RFX4: variants seen among roughly 807,000 people sequenced by gnomAD.
RFX4 encodes transcription factor RFX4.
RFX4 carries 10 observed loss-of-function variants against 95.0 expected under a neutral mutation model. The observed-to-expected ratio is 0.11, with a 90% CI of 0.06 to 0.18. The LOEUF is 0.18. Ranked by LOEUF, RFX4 falls within the 10% of genes least tolerant of loss-of-function variation. The pLI is 1.00. For synonymous variants in RFX4, 321 were observed against 340.7 expected (o/e 0.94, Z 0.64); for missense variants, 640 against 922.0 (o/e 0.69, Z 3.96).
chr12:106,732,979 A>G lies in RFX4; in HGVS notation c.1527A>G (p.Pro509=). 6.2e-7 allele frequency: 1 copy of G among 1,614,152 alleles called. No homozygotes were observed. Among genetic ancestry groups the G allele is most frequent in the Non-Finnish European group, 8.5e-7 (1 of 1,180,022 alleles). ...LTEAAAPTPS[P]VPSFSPAKSA... The stretch of plus-strand genomic sequence containing the variant: ...AGGCTGCCGCACCAACCCCTTCACC[A>G]GTGCCATCGTTTTCTCCAGCAAAAT... Residue 509 remains proline (P), a synonymous_variant, in exon 15 of 18, where the codon CCA becomes CCG. Coordinates refer to ENST00000392842, the MANE Select transcript of RFX4 (RefSeq NM_213594.3).
Position 106,761,585 on chromosome 12 carries a change from C to A in RFX4, c.*116C>A. ...TATACATTGTAACTCATGGGCTATT[C>A]CTAAGTGCCCATTTTCCTAATGAAC... On this transcript the variant is annotated 3_prime_UTR_variant, in exon 18 of 18. Coordinates refer to ENST00000392842, the MANE Select transcript of RFX4 (RefSeq NM_213594.3). 1.4e-6 allele frequency: 1 copy of A among 699,230 alleles called. No homozygotes were observed. Among genetic ancestry groups the A allele is most frequent in the Non-Finnish European group, 1.9e-6 (1 of 521,830 alleles). The allele number at this position is 699,230 out of a possible 1,614,324, so 43.3% of individuals were successfully genotyped here.
intron 11 of RFX4, among the ~76,000 whole-genome samples, chr12:106,717,000 CAAAAA>C (rs71311249): frequency 1.7e-4 from 10 of 60,508 alleles, no homozygotes; most frequent in African/African-American, 4.1e-4. Flanking sequence ...GCACAGGAGA[CAAAAA>C]AAAAAAAAAA....
intron 7 of RFX4, among the ~76,000 whole-genome samples, chr12:106,692,841 G>A (rs1490832617): frequency 6.6e-6 from 1 of 152,134 alleles, no homozygotes; most frequent in Non-Finnish European, 1.5e-5. Flanking sequence ...CTAATAGTAG[G>A]AAGACATCAT....
chr12:106,646,973 TG>T (rs909260219), intron 3 of RFX4, among the ~76,000 whole-genome samples: 12 of 152,280 alleles, frequency 7.9e-5, no homozygotes, highest in African/African-American at 2.9e-4. Context: ...TGAAATAGAT[TG>T]TTTTTTTGTT....
Position 106,711,521 on chromosome 12 carries a change from C to T in RFX4, c.993+10C>T, listed in dbSNP as rs371955084. ...AAATCATCTCTGCCAGGTAGCTGTC[C>T]TCCATTATGTGTTTTAATCACTGCT... On this transcript the variant is annotated intron_variant, in intron 10 of 17. Transcript: ENST00000392842. The T allele has an allele frequency of 5.0e-6, 8 of 1,613,420 alleles. No individual in the cohort carries two copies. In the African/African-American group the frequency reaches 1.1e-4, roughly 22 times the overall value.
intron 8 of RFX4, among the ~76,000 whole-genome samples, chr12:106,697,653 C>G (rs746161862): frequency 6.6e-6 from 1 of 152,070 alleles, no homozygotes; most frequent in Non-Finnish European, 1.5e-5. Flanking sequence ...TTCTGGCTCC[C>G]GGTGTTGCCA....
At chr12:106,617,357 A>G (rs2040093780) in intron 2 of RFX4, among the ~76,000 whole-genome samples, 1 of 152,154 alleles carries the variant, frequency 6.6e-6, no homozygotes, top group Non-Finnish European at 1.5e-5. Flanking sequence ...AACCTTTTCT[A>G]AGATATACAT....
intron 8 of RFX4, among the ~76,000 whole-genome samples, chr12:106,707,300 C>A (rs375009150): frequency 6.6e-6 from 1 of 151,992 alleles, no homozygotes; most frequent in East Asian, 1.9e-4. Context: ...ACCTCTGGGC[C>A]GGAGGTGCAA....
At position 106,592,727 on chromosome 12, in the gene RFX4, A is replaced by T. The variant is rs1471194255; in HGVS notation, c.43+9364A>T. ...TCAGGAAGTAGAAAACTCAGTTTCA[A>T]GTGAGCCGTTCTCTGGAACTCATTT... On this transcript the variant is annotated intron_variant, in intron 1 of 17. Transcript: ENST00000392842. 2.0e-5 allele frequency among the ~76,000 whole-genome samples: 3 copies of T among 152,070 alleles called. No homozygotes were observed. The South Asian group carries it at 6.2e-4, about 32-fold the overall frequency.
At chr12:106,659,550 A>G (rs915609313) in intron 4 of RFX4, among the ~76,000 whole-genome samples, 2 of 152,246 alleles carry the variant, frequency 1.3e-5, no homozygotes, top group Non-Finnish European at 2.9e-5. Flanking sequence ...TTAGAATGCA[A>G]CATTCAGTTT....
At chr12:106,743,193 T>A (rs531468498) in intron 15 of RFX4, among the ~76,000 whole-genome samples, 1 of 152,170 alleles carries the variant, frequency 6.6e-6, no homozygotes, top group African/African-American at 2.4e-5. Flanking sequence ...GAGGGGGGAA[T>A]AAGAGAAAAA....
At chr12:106,622,519 A>G (rs1187195518) in intron 2 of RFX4, among the ~76,000 whole-genome samples, 1 of 152,110 alleles carries the variant, frequency 6.6e-6, no homozygotes, top group Non-Finnish European at 1.5e-5. Flanking sequence ...TAGTCCAAAG[A>G]GGTGGCTTAT....
chr12:106,760,767 G>A (rs1055770468), intron 17 of RFX4, among the ~76,000 whole-genome samples: 1 of 151,492 alleles, frequency 6.6e-6, no homozygotes, highest in African/African-American at 2.5e-5. Flanking sequence ...GACAGACTAG[G>A]ACCTATCACA....
chr12:106,654,085 GTCT>G lies in RFX4; in HGVS notation c.192-140_192-138del, dbSNP rs372392131. On this transcript the variant is annotated intron_variant, in intron 3 of 17. Coordinates refer to ENST00000392842, the MANE Select transcript of RFX4 (RefSeq NM_213594.3). Reference sequence around the variant, plus strand: ...GGCATGACCTTGGGCAGCTTGCTTTGTCTTCCTGGGCCCCAGCTTCTCCACCTG... The same window carrying G: ...GGCATGACCTTGGGCAGCTTGCTTTGTCCTGGGCCCCAGCTTCTCCACCTG... 1,185 of 1,128,650 alleles carry G rather than the reference GTCT, an allele frequency of 1.0e-3. 2 individuals are homozygous for G. In the African/African-American group the frequency reaches 0.016, roughly 15 times the overall value. The allele number at this position is 1,128,650 out of a possible 1,614,324, so 69.9% of individuals were successfully genotyped here. A position where few individuals can be genotyped will look rare whatever the true frequency, so the allele number is the denominator to read the frequency against.
intron 8 of RFX4, among the ~76,000 whole-genome samples, chr12:106,701,137 C>G (rs2041983015): frequency 6.6e-6 from 1 of 152,196 alleles, no homozygotes; most frequent in Non-Finnish European, 1.5e-5. Context: ...GAAATACTTT[C>G]ACTGGGTATG....
chr12:106,645,288 T>A (rs1360149985), intron 3 of RFX4, among the ~76,000 whole-genome samples: 1 of 152,074 alleles, frequency 6.6e-6, no homozygotes, highest in Non-Finnish European at 1.5e-5. Context: ...GCAGAGAATT[T>A]CGAAATGGAA....
chr12:106,724,709 A>C (rs1312006371), intron 13 of RFX4, among the ~76,000 whole-genome samples: 1 of 151,846 alleles, frequency 6.6e-6, no homozygotes. Context: ...TTAAAAAAAC[A>C]ACAACAAAAA....
chr12:106,631,438 C>T (rs909595972), intron 2 of RFX4, among the ~76,000 whole-genome samples: 2 of 152,170 alleles, frequency 1.3e-5, no homozygotes, highest in African/African-American at 4.8e-5. Flanking sequence ...ATGTCTGTAT[C>T]CCCCCAAATT....
intron 13 of RFX4, among the ~76,000 whole-genome samples, chr12:106,721,629 T>C (rs1021635687): frequency 6.6e-6 from 1 of 152,242 alleles, no homozygotes; most frequent in Admixed American, 6.5e-5. Flanking sequence ...ATGGGACTTT[T>C]AGGCATTATC....
Sources: gnomAD v4.1 joint callset for allele counts (sites outside exome capture counted in the v4.1 genomes callset) on GRCh38, gnomAD v4.1.1 for gene constraint, MANE v1.5 for transcripts, NCBI Gene and HGNC (gene_info 2026-07-23, HGNC 2026-07-21) for gene names.